The following RP1 variants were observed in gnomAD, a reference collection of about 807,000 sequenced individuals.
RP1 encodes oxygen-regulated protein 1.
Under a neutral mutation model 14.8 loss-of-function variants are expected in RP1, and 16 were observed. The ratio of observed to expected loss-of-function variants is 1.08; its 90% CI spans 0.73 to 1.65. The LOEUF (loss-of-function observed/expected upper bound fraction) is 1.65, where lower values mean the gene tolerates loss of function less well. Among genes scored for constraint, RP1 ranks in the 40% most tolerant of loss-of-function variants. The pLI, the probability that RP1 is intolerant of heterozygous loss-of-function variation, is 0.00. For missense variants in RP1, 2,631 were observed against 2,535.0 expected (o/e 1.04, Z -0.81); for synonymous variants, 876 against 883.6 (o/e 0.99, Z 0.15).
intron 24 of RP1, among the ~76,000 whole-genome samples, chr8:54,813,428 T>G (rs1811061525): frequency 1.3e-5 from 2 of 152,132 alleles, no homozygotes. Context: ...CAAATAGAAA[T>G]CCATGCCATG....
intron 22 of RP1, among the ~76,000 whole-genome samples, chr8:54,762,378 C>T (rs1321822033): frequency 6.6e-6 from 1 of 152,138 alleles, no homozygotes; most frequent in Non-Finnish European, 1.5e-5. Flanking sequence ...ACAGAGGCTG[C>T]CTGCGAGTGT....
chr8:54,651,587 TTTC>T (rs1806655767), intron 4 of RP1, among the ~76,000 whole-genome samples: 1 of 152,190 alleles, frequency 6.6e-6, no homozygotes, highest in Admixed American at 6.5e-5. Context: ...ATCCTTTTTA[TTTC>T]TGTAAAGTCA....
intron 15 of RP1, chr8:54,706,717 A>G: frequency 6.7e-7 from 1 of 1,481,592 alleles, no homozygotes; most frequent in Non-Finnish European, 9.1e-7. Context: ...TGTAGACATG[A>G]GAATAGCACT....
chr8:54,663,984 G>A, intron 7 of RP1: 2 of 853,164 alleles, frequency 2.3e-6, no homozygotes, highest in Non-Finnish European at 3.3e-6. Context: ...ACATTTCTGT[G>A]CAACAGATCA....
intron 1 of RP1, among the ~76,000 whole-genome samples, chr8:54,585,822 T>C (rs1208605075): frequency 6.6e-6 from 1 of 152,254 alleles, no homozygotes; most frequent in Non-Finnish European, 1.5e-5. Flanking sequence ...ATCACGTAGT[T>C]CTCGTGCCGT....
Position 54,630,296 on chromosome 8 carries a change from G to C in RP1, c.6414G>C (p.Glu2138Asp). The change falls in exon 4 of 4, where the codon GAG (glutamate) becomes GAC (aspartate). Residue 2138 changes from glutamate (E) to aspartate (D), a missense_variant. By Grantham distance (45) the Glu-to-Asp change is conservative. Coordinates refer to ENST00000220676, the MANE Select transcript of RP1 (RefSeq NM_006269.2). ...FEGENLFIWE[E>D]EDILNLTDLE... is the part of the protein sequence containing the mutation. ...GTGAAAATCTTTTCATTTGGGAAGA[G>C]GAAGACATATTAAATTTAACTGATC... 6.2e-7 allele frequency: 1 copy of C among 1,613,694 alleles called. No homozygotes were observed. Among genetic ancestry groups the C allele is most frequent in the Non-Finnish European group, 8.5e-7 (1 of 1,179,800 alleles).
At chr8:54,793,765 A>G (rs1409001577) in intron 24 of RP1, among the ~76,000 whole-genome samples, 1 of 151,980 alleles carries the variant, frequency 6.6e-6, no homozygotes, top group Non-Finnish European at 1.5e-5. Flanking sequence ...AACATCAGGA[A>G]CAAGATAAGG....
intron 12 of RP1, among the ~76,000 whole-genome samples, chr8:54,682,771 T>G (rs773677858): frequency 1.3e-5 from 2 of 152,208 alleles, no homozygotes; most frequent in Non-Finnish European, 2.9e-5. Flanking sequence ...TGATGATAGT[T>G]TCTTTTACTG....
At chr8:54,640,473 G>A (rs765800429) in intron 3 of RP1, among the ~76,000 whole-genome samples, 2 of 152,134 alleles carry the variant, frequency 1.3e-5, no homozygotes, top group Non-Finnish European at 2.9e-5. Context: ...TTTTTAAACT[G>A]CTAAACCAGC....
intron 1 of RP1, among the ~76,000 whole-genome samples, chr8:54,604,992 C>T (rs1805392574): frequency 6.6e-6 from 1 of 152,072 alleles, no homozygotes; most frequent in African/African-American, 2.4e-5. Context: ...AAAACCAGCT[C>T]CTGGATTCAT....
chr8:54,575,328 A>G (rs146975250), intron 1 of RP1, among the ~76,000 whole-genome samples: 340 of 152,360 alleles, frequency 2.2e-3, no homozygotes, highest in Non-Finnish European at 3.5e-3. Context: ...AGGAAACAGC[A>G]GTGCACTTGA....
chr8:54,611,928 C>T (rs1187348521), upstream of RP1, among the ~76,000 whole-genome samples: 1 of 150,600 alleles, frequency 6.6e-6, no homozygotes, highest in African/African-American at 2.5e-5. Context: ...CCCCCCTGCC[C>T]CCCAACCTTT....
chr8:54,648,953 C>T (rs1585580567), intron 3 of RP1: 2 of 1,450,144 alleles, frequency 1.4e-6, no homozygotes, highest in East Asian at 2.5e-5. Context: ...TATCAGTTGC[C>T]ATAATGCTGT....
intron 24 of RP1, among the ~76,000 whole-genome samples, chr8:54,832,998 G>A (rs866340878): frequency 1.3e-5 from 2 of 151,958 alleles, no homozygotes; most frequent in South Asian, 2.1e-4. Context: ...AGCTAGAATT[G>A]CCACTCAGTT....
At chr8:54,851,353 T>G (rs1329187821) in intron 25 of RP1, among the ~76,000 whole-genome samples, 13 of 152,250 alleles carry the variant, frequency 8.5e-5, no homozygotes, top group Admixed American at 8.5e-4. Flanking sequence ...GTTTTAATAT[T>G]TTAAGGTCTC....
chr8:54,627,276 T>C lies in RP1; in HGVS notation c.3394T>C (p.Trp1132Arg). The C allele has an allele frequency of 6.2e-7, 1 of 1,614,136 alleles. No homozygotes were observed. The highest frequency in any genetic ancestry group is 8.5e-7 in the Non-Finnish European group (1 of 1,179,976). The part of the protein sequence containing the change: ...CNSSTNLLLA[W>R]LLVLNLKGSM... Reference sequence around the variant, plus strand: ...TTCATCCACTAATCTCCTTCTAGCTTGGCTCTTGGTGCTAAACCTAAAGGG... The same window carrying C: ...TTCATCCACTAATCTCCTTCTAGCTCGGCTCTTGGTGCTAAACCTAAAGGG... Residue 1132 changes from tryptophan (W) to arginine (R), a missense_variant, in exon 4 of 4, where the codon TGG (tryptophan) becomes CGG (arginine). Transcript: ENST00000220676.
chr8:54,830,202 C>T (rs990381738), intron 24 of RP1, among the ~76,000 whole-genome samples: 1 of 151,914 alleles, frequency 6.6e-6, no homozygotes. Flanking sequence ...TGTTTTTAAG[C>T]TCTATTAGTA....
intron 6 of RP1, among the ~76,000 whole-genome samples, chr8:54,660,163 C>G (rs1317493545): frequency 6.6e-6 from 1 of 151,876 alleles, no homozygotes; most frequent in Non-Finnish European, 1.5e-5. Context: ...AGTTGGTTAT[C>G]TTTTATTTGT....
At chr8:54,773,739 A>G (rs1199583659), downstream of RP1, among the ~76,000 whole-genome samples, 2 of 152,206 alleles carry the variant, frequency 1.3e-5, no homozygotes, top group Admixed American at 6.5e-5. Flanking sequence ...AAGAACTGAT[A>G]TTGGAACTTA....
Sources: gnomAD v4.1 joint callset for allele counts (sites outside exome capture counted in the v4.1 genomes callset) on GRCh38, gnomAD v4.1.1 for gene constraint, MANE v1.5 for transcripts, NCBI Gene and HGNC (gene_info 2026-07-23, HGNC 2026-07-21) for gene names.